The following MASP1 variants were observed in gnomAD, a reference collection of about 807,000 sequenced individuals.
The protein encoded by MASP1 is MBL associated serine protease 1.
A neutral mutation model predicts 77.1 loss-of-function variants in MASP1; 59 were observed. That is an observed-to-expected ratio of 0.77 (90% CI 0.62 to 0.95). MASP1 has a LOEUF of 0.95. Among genes scored for constraint, MASP1 ranks in the 40% least tolerant of loss-of-function variants. The pLI is 0.00. For missense variants in MASP1, 885 were observed against 912.9 expected (o/e 0.97, Z 0.39); for synonymous variants, 362 against 354.5 (o/e 1.02, Z -0.24).
chr3:187,265,554 G>T (rs1306414513), intron 2 of MASP1, among the ~76,000 whole-genome samples: 2 of 152,212 alleles, frequency 1.3e-5, no homozygotes, highest in East Asian at 3.8e-4. Context: ...AAGGCCAGTA[G>T]CCTGGGGCCC....
intron 5 of MASP1, among the ~76,000 whole-genome samples, chr3:187,255,106 T>C (rs1387927656): frequency 6.6e-6 from 1 of 152,160 alleles, no homozygotes; most frequent in African/African-American, 2.4e-5. Context: ...AGTTATTCAT[T>C]AGTTGACCTA....
intron 2 of MASP1, among the ~76,000 whole-genome samples, chr3:187,275,134 C>A (rs1426520827): frequency 1.3e-5 from 2 of 152,166 alleles, no homozygotes; most frequent in East Asian, 1.9e-4. Flanking sequence ...GGAGGCTGGG[C>A]CCCAAACAGT....
Position 187,234,117 on chromosome 3 carries a change from A to G in MASP1, c.*1567T>C, listed in dbSNP as rs1273817747. The G allele has an allele frequency of 7.8e-7, 1 of 1,281,512 alleles. No individual in the cohort carries two copies. The highest frequency in any genetic ancestry group is 2.3e-5 in the Admixed American group (1 of 43,276). The allele number at this position is 1,281,512 out of a possible 1,614,324, so 79.4% of individuals were successfully genotyped here. A position where few individuals can be genotyped will look rare whatever the true frequency, so the allele number is the denominator to read the frequency against. Reference sequence around the variant, plus strand: ...CCACGAGGGTTTATTTCCACTTGAGACCCCTGATGGGAGCAACAATGCAGA... The same window carrying G: ...CCACGAGGGTTTATTTCCACTTGAGGCCCCTGATGGGAGCAACAATGCAGA... On this transcript the variant is annotated 3_prime_UTR_variant, in exon 11 of 11. Coordinates refer to ENST00000296280, the MANE Select transcript of MASP1 (RefSeq NM_139125.4).
At chr3:187,283,512 G>A (rs1717600894) in intron 2 of MASP1, among the ~76,000 whole-genome samples, 1 of 152,182 alleles carries the variant, frequency 6.6e-6, no homozygotes, top group South Asian at 2.1e-4. Flanking sequence ...AAGAGAAAGA[G>A]TTTCTCAATG....
chr3:187,267,727 T>C (rs1716161529), intron 2 of MASP1, among the ~76,000 whole-genome samples: 1 of 152,204 alleles, frequency 6.6e-6, no homozygotes, highest in East Asian at 1.9e-4. Flanking sequence ...GAGACCCTTT[T>C]CCATGAGCCT....
In MASP1 at chr3:187,226,544, A is replaced by G. The variant is rs746962168; in HGVS notation, c.1442-24T>C. 9.9e-6 allele frequency: 15 copies of G among 1,520,544 alleles called. No homozygotes were observed. The Admixed American group carries it at 1.6e-4, about 16-fold the overall frequency. 94.2% of individuals were successfully genotyped at this position (1,520,544 alleles called of 1,614,324 possible). A position where few individuals can be genotyped will look rare whatever the true frequency, so the allele number is the denominator to read the frequency against. ...GCCTGGGGAACAGAACACACGTCTC[A>G]TCGTCCTGCACTACTGGGTCTTGCC... is the stretch of plus-strand genomic sequence containing the variant. On this transcript the variant is annotated intron_variant, in intron 11 of 15. Transcript: ENST00000337774.
chr3:187,225,233 A>T, intron 13 of MASP1: 1 of 1,426,998 alleles, frequency 7.0e-7, no homozygotes, highest in South Asian at 1.2e-5. Flanking sequence ...CTGTCAGCTG[A>T]CTTAATTGGC....
intron 4 of MASP1, among the ~76,000 whole-genome samples, chr3:187,259,026 T>C (rs1420350410): frequency 6.6e-6 from 1 of 152,230 alleles, no homozygotes; most frequent in East Asian, 1.9e-4. Context: ...CCCAGTAGAC[T>C]GTAAGTTCTG....
At chr3:187,253,462 G>A (rs1714804432) in intron 5 of MASP1, 147 bp from the exon 6 acceptor site, 2 of 781,056 alleles carry the variant, frequency 2.6e-6, no homozygotes, top group African/African-American at 3.4e-5. Context: ...TTTTTAGTGA[G>A]CCTTACCATT....
At chr3:187,248,679 G>A (rs1021260945) in intron 8 of MASP1, among the ~76,000 whole-genome samples, 6 of 152,058 alleles carry the variant, frequency 3.9e-5, no homozygotes, top group Non-Finnish European at 8.8e-5. Context: ...CTTGAGTTCC[G>A]CCATGCCCGG....
rs781417445 is a variant in MASP1, at chr3:187,250,375, T to TTTGCTA, written c.1012-47_1012-46insTAGCAA. 26 of 1,444,624 alleles carry TTTGCTA rather than the reference T, an allele frequency of 1.8e-5. No homozygotes were observed. In the African/African-American group the frequency reaches 2.7e-4, roughly 15 times the overall value. The allele number at this position is 1,444,624 out of a possible 1,614,324, so 89.5% of individuals were successfully genotyped here. On this transcript the variant is annotated intron_variant, in intron 7 of 10. Coordinates refer to ENST00000296280, the MANE Select transcript of MASP1 (RefSeq NM_139125.4). ...GGGAGTGGGAAGAAGGAGGTGGGGGTGGTGTCAGGGGTTTTTTCCTAGCAA... is the reference window on the plus strand; with the variant it reads ...GGGAGTGGGAAGAAGGAGGTGGGGGTTTGCTAGGTGTCAGGGGTTTTTTCCTAGCAA...
intron 10 of MASP1, among the ~76,000 whole-genome samples, chr3:187,239,187 TAAAAAA>T (rs4012004): frequency 0.05 from 6,106 of 123,234 alleles, 275 homozygotes; most frequent in East Asian, 0.2. Flanking sequence ...TACTAAAAAT[TAAAAAA>T]AAAAAAAAAA....
intron 3 of MASP1, among the ~76,000 whole-genome samples, 192 bp downstream of exon 3, chr3:187,262,351 A>G (rs1715654252): frequency 6.6e-6 from 1 of 152,234 alleles, no homozygotes; most frequent in African/African-American, 2.4e-5. Context: ...CACTTTGTAA[A>G]AGATGAATTG....
intron 10 of MASP1, among the ~76,000 whole-genome samples, chr3:187,239,321 C>T (rs1226497906): frequency 6.6e-6 from 1 of 152,148 alleles, no homozygotes; most frequent in Non-Finnish European, 1.5e-5. Flanking sequence ...CCATTGCACG[C>T]AGCCTGGGCA....
In MASP1 at chr3:187,253,264, C is replaced by T; in HGVS notation, c.796G>A (p.Glu266Lys). The T allele has an allele frequency of 6.2e-7, 1 of 1,614,140 alleles. No individual in the cohort carries two copies. Among genetic ancestry groups the T allele is most frequent in the Non-Finnish European group, 8.5e-7 (1 of 1,180,028 alleles). Residue 266 changes from glutamate (E) to lysine (K), a missense_variant, in exon 6 of 11, where the codon GAA (glutamate) becomes AAA (lysine). Glu to Lys is a moderately conservative substitution (Grantham distance 56). Coordinates refer to ENST00000296280, the MANE Select transcript of MASP1 (RefSeq NM_139125.4). ...LGPFCGEKAP[E>K]PISTQSHSVL... ...CTGTGGCTCTGGGTGCTGATGGGTTCTGGGGCTTTCTCTCCACAGAAAGGC... is the reference window on the plus strand; with the variant it reads ...CTGTGGCTCTGGGTGCTGATGGGTTTTGGGGCTTTCTCTCCACAGAAAGGC...
intron 1 of MASP1, among the ~76,000 whole-genome samples, chr3:187,291,066 C>A (rs1384881662): frequency 6.6e-6 from 1 of 151,292 alleles, no homozygotes; most frequent in African/African-American, 2.4e-5. Flanking sequence ...CCTCTGATTT[C>A]AATGAGAAAT....
chr3:187,222,806 C>T (rs1016134101), intron 14 of MASP1, among the ~76,000 whole-genome samples: 5 of 151,968 alleles, frequency 3.3e-5, no homozygotes, highest in African/African-American at 1.2e-4. Context: ...GTACAGTTCT[C>T]ATGGTGCACA....
Position 187,262,673 on chromosome 3 carries a change from G to A in MASP1, c.285C>T (p.Thr95=), listed in dbSNP as rs1344907677. ...QVLATFCGRE[T]TDTEQTPGQE... ...GGCCGGGAGTCTGCTCTGTGTCTGTGGTCTCCCTGCCACAGAAGGTTGCCA... is the reference window on the plus strand; with the variant it reads ...GGCCGGGAGTCTGCTCTGTGTCTGTAGTCTCCCTGCCACAGAAGGTTGCCA... Residue 95 remains threonine, a synonymous_variant, in exon 3 of 11, where the codon ACC becomes ACT. Transcript: ENST00000296280. The A allele has an allele frequency of 9.9e-6, 16 of 1,614,070 alleles. No individual in the cohort carries two copies. Among genetic ancestry groups the A allele is most frequent in the Non-Finnish European group, 1.4e-5 (16 of 1,179,996 alleles).
chr3:187,269,687 A>T (rs1716355332), intron 2 of MASP1, among the ~76,000 whole-genome samples: 1 of 152,212 alleles, frequency 6.6e-6, no homozygotes, highest in South Asian at 2.1e-4. Context: ...GCTAAATTTC[A>T]GAATTACTAT....
Sources: gnomAD v4.1 joint callset for allele counts (sites outside exome capture counted in the v4.1 genomes callset) on GRCh38, gnomAD v4.1.1 for gene constraint, MANE v1.5 for transcripts, NCBI Gene and HGNC (gene_info 2026-07-23, HGNC 2026-07-21) for gene names.